Variants in TSHZ3 observed in about 807,000 individuals in gnomAD.
TSHZ3 encodes the protein teashirt zinc finger homeobox 3.
A neutral mutation model predicts 64.5 loss-of-function variants in TSHZ3; 10 were observed. The ratio of observed to expected loss-of-function variants is 0.16; its 90% CI spans 0.10 to 0.26. The LOEUF (loss-of-function observed/expected upper bound fraction) is 0.26. Ranked by LOEUF, TSHZ3 falls within the 10% of genes least tolerant of loss-of-function variation. The probability of loss-of-function intolerance (pLI) is 1.00; values close to 1 mark genes in which losing one functional copy is unlikely to be tolerated. For synonymous variants in TSHZ3, 608 were observed against 593.1 expected (o/e 1.03, Z -0.36); for missense variants, 1,242 against 1,421.7 (o/e 0.87, Z 2.03).
intron 1 of TSHZ3, among the ~76,000 whole-genome samples, chr19:31,247,786 G>A (rs1254470617): frequency 2.0e-5 from 3 of 152,310 alleles, no homozygotes; most frequent in Admixed American, 6.5e-5. Flanking sequence ...ATGGGTGAAA[G>A]AGCATCAGGT....
At chr19:31,241,161 T>C (rs960549488) in intron 3 of TSHZ3, among the ~76,000 whole-genome samples, 1 of 152,176 alleles carries the variant, frequency 6.6e-6, no homozygotes, top group African/African-American at 2.4e-5. Flanking sequence ...TGTGTGCACA[T>C]GTTTATTAGG....
intron 4 of TSHZ3, among the ~76,000 whole-genome samples, chr19:31,225,159 A>C (rs1454154749): frequency 6.6e-6 from 1 of 152,232 alleles, no homozygotes; most frequent in Non-Finnish European, 1.5e-5. Context: ...CCATTCATTT[A>C]GAAGTGAGGC....
At chr19:31,188,935 TAAC>T (rs1006810018) in intron 5 of TSHZ3, among the ~76,000 whole-genome samples, 4 of 152,010 alleles carry the variant, frequency 2.6e-5, no homozygotes, top group African/African-American at 7.2e-5. Flanking sequence ...AAGAGTGTGA[TAAC>T]AAATTTAATT....
Position 31,197,750 on chromosome 19 carries a change from A to G in TSHZ3, n.809+7206T>C, listed in dbSNP as rs535671612. On this transcript the variant is annotated intron_variant and non_coding_transcript_variant, in intron 5 of 6. Coordinates refer to the TSHZ3 transcript ENST00000651361. ...GATAAAATGTACTAAAACTCATATA[A>G]GGAGAAATTGACAATTTTAATAGGC... Among the ~76,000 whole-genome samples the G allele has an allele frequency of 2.0e-5, 3 of 152,118 alleles. 1 individual carries two copies. The highest frequency in any genetic ancestry group is 7.2e-5 in the African/African-American group (3 of 41,566).
At chr19:31,296,377 C>A (rs1381180173) in intron 1 of TSHZ3, among the ~76,000 whole-genome samples, 1 of 145,888 alleles carries the variant, frequency 6.9e-6, no homozygotes, top group Non-Finnish European at 1.5e-5. Context: ...TCTTGTTGCC[C>A]AGGCTGGAGT....
intron 1 of TSHZ3, among the ~76,000 whole-genome samples, chr19:31,340,420 T>A (rs991186646): frequency 1.1e-4 from 9 of 83,708 alleles, no homozygotes; most frequent in African/African-American, 3.8e-4. Flanking sequence ...ACACTCCCCC[T>A]CCCGCCTGAA....
intron 5 of TSHZ3, among the ~76,000 whole-genome samples, chr19:31,168,350 C>G (rs1302813006): frequency 1.3e-5 from 2 of 152,124 alleles, no homozygotes; most frequent in Non-Finnish European, 2.9e-5. Flanking sequence ...GGCAGGCACA[C>G]AGAGCACTGC....
At chr19:31,231,204 G>A (rs1475502545) in intron 3 of TSHZ3, among the ~76,000 whole-genome samples, 2 of 152,054 alleles carry the variant, frequency 1.3e-5, no homozygotes, top group East Asian at 3.9e-4. Flanking sequence ...CAATCCATTG[G>A]CAAAAGGATT....
chr19:31,210,667 A>C (rs1316365510), intron 4 of TSHZ3, among the ~76,000 whole-genome samples: 1 of 152,044 alleles, frequency 6.6e-6, no homozygotes, highest in Non-Finnish European at 1.5e-5. Context: ...GAGCTGAAAA[A>C]CCTGCACGAT....
intron 1 of TSHZ3, among the ~76,000 whole-genome samples, chr19:31,282,823 C>A (rs1599623770): frequency 6.6e-6 from 1 of 152,168 alleles, no homozygotes; most frequent in South Asian, 2.1e-4. Flanking sequence ...TGGTGCCAAG[C>A]AGAACTGGGT....
rs762841724 is a variant in TSHZ3 at position 31,276,848 on chromosome 19, G to A, written c.2945C>T (p.Ala982Val). The A allele has an allele frequency of 3.7e-6, 6 of 1,614,196 alleles. No individual in the cohort carries two copies. Among genetic ancestry groups the A allele is most frequent in the Admixed American group, 1.7e-5 (1 of 60,022 alleles). Residue 982 changes from alanine to valine, a missense_variant, in exon 2 of 2, where the codon GCG (alanine) becomes GTG (valine). Ala to Val is a moderately conservative substitution (Grantham distance 64). Transcript: ENST00000240587. Reference sequence around the variant, plus strand: ...CGTGGAAGGAGTCCTGATTTGGGACGCACAATCGTTACAAAAGAAGACGGG... The same window carrying A: ...CGTGGAAGGAGTCCTGATTTGGGACACACAATCGTTACAAAAGAAGACGGG... ...GHPVFFCNDC[A>V]SQIRTPSTYI...
In TSHZ3 at chr19:31,349,245, C is replaced by A; in HGVS notation, c.-26G>T. On this transcript the variant is annotated 5_prime_UTR_variant, in exon 1 of 2. Coordinates refer to ENST00000240587, the MANE Select transcript of TSHZ3 (RefSeq NM_020856.4). ...GATGCTTCTCCGGCGACTGCCACTG[C>A]CGCCGCCGCCGCCGCTGCCGGGCTG... The A allele has an allele frequency of 1.4e-6, 2 of 1,427,538 alleles. No individual in the cohort carries two copies. The highest frequency in any genetic ancestry group is 1.9e-6 in the Non-Finnish European group (2 of 1,062,046). The allele number at this position is 1,427,538 out of a possible 1,614,324, so 88.4% of individuals were successfully genotyped here.
chr19:31,296,744 G>A (rs1193020872), intron 1 of TSHZ3, among the ~76,000 whole-genome samples: 4 of 152,196 alleles, frequency 2.6e-5, no homozygotes, highest in African/African-American at 7.2e-5. Context: ...ACAGTGCCTG[G>A]TCCCAGGGAG....
intron 1 of TSHZ3, among the ~76,000 whole-genome samples, chr19:31,314,565 C>T (rs1916552934): frequency 6.6e-6 from 1 of 152,204 alleles, no homozygotes; most frequent in Non-Finnish European, 1.5e-5. Flanking sequence ...CATTCTTGTG[C>T]ATAACTTGTA....
In TSHZ3 at chr19:31,277,274, C is replaced by G. The variant is rs777619577; in HGVS notation, c.2519G>C (p.Arg840Pro). The G allele has an allele frequency of 8.7e-6, 14 of 1,613,882 alleles. No individual in the cohort carries two copies. The highest frequency in any genetic ancestry group is 8.5e-6 in the Non-Finnish European group (10 of 1,179,890). The stretch of plus-strand genomic sequence containing the variant: ...GGATATATCTGACAAGGCATTCTCG[C>G]GTAGCGGCGAGTTTGACATGAATGA... ...VVSFMSNSPLRENALSDISDM... is the reference protein window; with the variant it reads ...VVSFMSNSPLPENALSDISDM... Residue 840 changes from arginine to proline, a missense_variant, in exon 2 of 2, where the codon CGC becomes CCC. Around this residue, in one of 4 missense-constraint regions of TSHZ3, gnomAD observed 550 missense variants for 545.1 expected, o/e 1.01. Coordinates refer to ENST00000240587, the MANE Select transcript of TSHZ3 (RefSeq NM_020856.4). This position sits in a 1 kb window ranked among gnomAD's most constrained non-coding sequence, Gnocchi z 4.5.
intron 5 of TSHZ3, among the ~76,000 whole-genome samples, chr19:31,187,842 T>TTATTTAA (rs1974836787): frequency 6.6e-6 from 1 of 152,132 alleles, no homozygotes; most frequent in Admixed American, 6.5e-5. Flanking sequence ...TCACAGGCAG[T>TTATTTAA]CTTAAAATCA....
At chr19:31,217,035 G>T (rs1975343172) in intron 4 of TSHZ3, among the ~76,000 whole-genome samples, 3 of 152,010 alleles carry the variant, frequency 2.0e-5, no homozygotes, top group Admixed American at 2.0e-4. Context: ...CTGACCTCAG[G>T]TGATCCACCC....
At chr19:31,289,898 C>T (rs1013947607) in intron 1 of TSHZ3, among the ~76,000 whole-genome samples, 1 of 152,182 alleles carries the variant, frequency 6.6e-6, no homozygotes, top group Admixed American at 6.5e-5. Flanking sequence ...CTCAATACAC[C>T]TGGAAAATCT....
chr19:31,198,334 G>A (rs1347443967), intron 5 of TSHZ3, among the ~76,000 whole-genome samples: 2 of 152,036 alleles, frequency 1.3e-5, no homozygotes, highest in Admixed American at 6.5e-5. Flanking sequence ...TAATGTCATA[G>A]TTAATGGAGA....
Sources: gnomAD v4.1 joint callset for allele counts (sites outside exome capture counted in the v4.1 genomes callset) on GRCh38, gnomAD v4.1.1 for gene constraint, gnomAD v4.1.1 regional missense constraint, Gnocchi (gnomAD v3.1) non-coding constraint, MANE v1.5 for transcripts, NCBI Gene and HGNC (gene_info 2026-07-23, HGNC 2026-07-21) for gene names.